Variants in DEPDC7 observed in about 807,000 individuals in gnomAD.
DEPDC7 encodes the protein DEP domain containing 7, also known as DEP domain-containing protein 7.
Under a neutral mutation model 56.6 loss-of-function variants are expected in DEPDC7, and 41 were observed. The observed-to-expected ratio is 0.72, with a 90% CI of 0.56 to 0.94. The LOEUF (loss-of-function observed/expected upper bound fraction) is 0.94, where lower values mean the gene tolerates loss of function less well. DEPDC7 is among the 40% of genes least tolerant of loss of function. The pLI, the probability that DEPDC7 is intolerant of heterozygous loss-of-function variation, is 0.00. For synonymous variants in DEPDC7, 185 were observed against 208.8 expected, an observed-to-expected ratio of 0.89 and a Z score of 0.98; for missense variants, 522 against 596.3, an observed-to-expected ratio of 0.88 and a Z score of 1.30.
intron 5 of DEPDC7, 118 bp downstream of exon 5, chr11:33,031,707 C>A (rs1564966272): frequency 2.5e-6 from 2 of 792,430 alleles, no homozygotes; most frequent in Non-Finnish European, 4.0e-6. Flanking sequence ...TGGATTAATT[C>A]ATGGAAAGTA....
chr11:33,023,939 C>T (rs966712300), intron 1 of DEPDC7, among the ~76,000 whole-genome samples: 2 of 152,178 alleles, frequency 1.3e-5, no homozygotes, highest in African/African-American at 4.8e-5. Flanking sequence ...GTAATAACTT[C>T]ACCTTCTCTG....
chr11:33,031,407 A>G lies in DEPDC7; in HGVS notation c.812A>G (p.Asp271Gly). The G allele has an allele frequency of 6.2e-7, 1 of 1,614,138 alleles. No homozygotes were observed. Among genetic ancestry groups the G allele is most frequent in the Non-Finnish European group, 8.5e-7 (1 of 1,180,012 alleles). The part of the protein sequence containing the change: ...QEDEWLSAAI[D>G]CLEYLPDQMV... ...GATGAGTGGCTCTCGGCAGCAATTG[A>G]CTGTTTAGAATACCTTCCAGACCAA... is the stretch of plus-strand genomic sequence containing the variant. Residue 271 changes from aspartate (D) to glycine (G), a missense_variant, in exon 5 of 9, where the codon GAC becomes GGC. By Grantham distance (94) the Asp-to-Gly change is moderately conservative. Coordinates refer to ENST00000241051, the MANE Select transcript of DEPDC7 (RefSeq NM_001077242.2).
At position 33,024,802 on chromosome 11, in the gene DEPDC7, C is replaced by CTGTGTGTGTGTG. The variant is rs35371602; in HGVS notation, c.74-831_74-820dup. ...AAATGTTGTTTTGTGATGCATGACT[C>CTGTGTGTGTGTG]TGTGTGTGTGTGTGTGTGTGTGTGT... On this transcript the variant is annotated intron_variant, in intron 1 of 8. Transcript: ENST00000241051. 1.0e-3 allele frequency among the ~76,000 whole-genome samples: 147 copies of CTGTGTGTGTGTG among 146,502 alleles called. 2 individuals are homozygous for CTGTGTGTGTGTG. Among genetic ancestry groups the CTGTGTGTGTGTG allele is most frequent in the Admixed American group, 3.4e-3 (49 of 14,586 alleles).
intron 2 of DEPDC7, chr11:33,026,539 A>T: frequency 1.0e-5 from 2 of 196,700 alleles, no homozygotes; most frequent in African/African-American, 2.3e-5. Flanking sequence ...TGCAGTGGTG[A>T]CACAGAGGTA....
At chr11:33,028,943 T>A (rs1353096598) in intron 4 of DEPDC7, 151 bp downstream of exon 4, 1 of 510,762 alleles carries the variant, frequency 2.0e-6, no homozygotes, top group East Asian at 3.4e-5. Context: ...AGAACAAAAT[T>A]ACATTAGTCA....
rs958451519 is a variant in DEPDC7 at position 33,016,349 on chromosome 11, G to C, written c.73+321G>C. The C allele has an allele frequency of 7.1e-6, 10 of 1,414,552 alleles. No individual in the cohort carries two copies. In the Admixed American group the frequency reaches 1.9e-4, roughly 27 times the overall value. The allele number at this position is 1,414,552 out of a possible 1,614,324, so 87.6% of individuals were successfully genotyped here. A position where few individuals can be genotyped will look rare whatever the true frequency, so the allele number is the denominator to read the frequency against. On this transcript the variant is annotated intron_variant, in intron 1 of 8. Coordinates refer to ENST00000241051, the MANE Select transcript of DEPDC7 (RefSeq NM_001077242.2). ...GCCAGGCACGCGCCGGGGAGCTCCG[G>C]GATATGCTCCGCGGTGCTACCGGTG... is the stretch of plus-strand genomic sequence containing the variant.
At chr11:33,030,611 T>G (rs755187575) in intron 4 of DEPDC7, among the ~76,000 whole-genome samples, 2 of 151,876 alleles carry the variant, frequency 1.3e-5, no homozygotes, top group Non-Finnish European at 2.9e-5. Context: ...TGAGATGAGG[T>G]CTCGCTCTGT....
In DEPDC7 at chr11:33,033,291, C is replaced by T. The variant is rs202020074; in HGVS notation, c.1372C>T (p.Arg458Cys). The T allele has an allele frequency of 6.9e-5, 111 of 1,598,194 alleles. No individual in the cohort carries two copies. Among genetic ancestry groups the T allele is most frequent in the Non-Finnish European group, 8.8e-5 (104 of 1,175,678 alleles). ...GYIYCQRIDQ[R>C]DYSNNTEKTT... ...TATTTATTGCCAGAGAATTGATCAACGTGACTATTCCAACAATACAGAGAA... is the reference window on the plus strand; with the variant it reads ...TATTTATTGCCAGAGAATTGATCAATGTGACTATTCCAACAATACAGAGAA... The change falls in exon 9 of 9, where the codon CGT (arginine) becomes TGT (cysteine). Residue 458 changes from arginine to cysteine, a missense_variant. Physicochemically the swap from Arg to Cys is radical, Grantham distance 180. Transcript: ENST00000241051.
intron 4 of DEPDC7, among the ~76,000 whole-genome samples, chr11:33,030,109 G>A (rs951639380): frequency 2.0e-5 from 3 of 152,044 alleles, no homozygotes; most frequent in Admixed American, 6.6e-5. Context: ...ACAGGCGCAC[G>A]CCACCATGCC....
chr11:33,017,429 G>A (rs1853475702), intron 1 of DEPDC7, among the ~76,000 whole-genome samples: 1 of 152,134 alleles, frequency 6.6e-6, no homozygotes, highest in Admixed American at 6.5e-5. Flanking sequence ...GTTCTTAGAT[G>A]GTGTAAGGAA....
chr11:33,027,963 C>A, intron 3 of DEPDC7, 150 bp downstream of exon 3: 1 of 718,600 alleles, frequency 1.4e-6, no homozygotes, highest in Non-Finnish European at 2.0e-6. Flanking sequence ...TCAATTTTAA[C>A]AGAAGTCTAT....
rs1331284027 is a variant in DEPDC7, at chr11:33,025,834, G to C, written c.249G>C (p.Lys83Asn). The change falls in exon 2 of 9, where the codon AAG becomes AAC. Residue 83 changes from lysine to asparagine, a missense_variant. By Grantham distance (94) the Lys-to-Asn change is moderately conservative. Coordinates refer to ENST00000241051, the MANE Select transcript of DEPDC7 (RefSeq NM_001077242.2). Reference protein sequence around the residue: ...DVIFSHLIQNKYFGDVDIPRA... With the variant: ...DVIFSHLIQNNYFGDVDIPRA... ...TTTTTTCTCACCTAATTCAGAATAA[G>C]TATTTTGGTGATGTAGATATTCCTC... 1.2e-6 allele frequency: 2 copies of C among 1,614,082 alleles called. No homozygotes were observed. The highest frequency in any genetic ancestry group is 1.7e-6 in the Non-Finnish European group (2 of 1,180,044).
chr11:33,024,343 C>T (rs769907126), intron 1 of DEPDC7, among the ~76,000 whole-genome samples: 4 of 152,122 alleles, frequency 2.6e-5, no homozygotes. Context: ...TACTTTACCG[C>T]GCATACAAAG....
At chr11:33,022,567 TTAA>T (rs1853533959) in intron 1 of DEPDC7, among the ~76,000 whole-genome samples, 1 of 152,200 alleles carries the variant, frequency 6.6e-6, no homozygotes, top group African/African-American at 2.4e-5. Context: ...ATGTTAGCTA[TTAA>T]TAATAAAGAT....
Position 33,015,924 on chromosome 11 carries a change from C to G in DEPDC7, c.-32C>G. 1 of 1,551,994 alleles carries G rather than the reference C, an allele frequency of 6.4e-7. No individual in the cohort carries two copies. Among genetic ancestry groups the G allele is most frequent in the East Asian group, 2.5e-5 (1 of 40,398 alleles). ...AGGGAGCTAGGGAGCTGTGAAGCTG[C>G]TGGAGGAGTTGGCGTCCGGGGAGCA... On this transcript the variant is annotated 5_prime_UTR_variant, in exon 1 of 9. Coordinates refer to ENST00000241051, the MANE Select transcript of DEPDC7 (RefSeq NM_001077242.2).
In DEPDC7 at chr11:33,033,359, T is replaced by A. The variant is rs1401593612; in HGVS notation, c.1440T>A (p.Asp480Glu). 6.2e-7 allele frequency: 1 copy of A among 1,611,748 alleles called. No individual in the cohort carries two copies. Among genetic ancestry groups the A allele is most frequent in the African/African-American group, 1.3e-5 (1 of 74,836 alleles). Residue 480 changes from aspartate to glutamate, a missense_variant, in exon 9 of 9, where the codon GAT (aspartate) becomes GAA (glutamate). Physicochemically the swap from Asp to Glu is conservative, Grantham distance 45. Coordinates refer to ENST00000241051, the MANE Select transcript of DEPDC7 (RefSeq NM_001077242.2). ...DELLNLLKTL[D>E]EDSKLSAKEK... ...TGTTGAATTTACTAAAAACTCTTGA[T>A]GAGGATTCAAAACTTTCTGCCAAAG...
chr11:33,016,464 C>T (rs938016559), intron 1 of DEPDC7: 54 of 1,599,902 alleles, frequency 3.4e-5, no homozygotes, highest in Non-Finnish European at 4.5e-5. Flanking sequence ...GGCCGAGCTC[C>T]TCCCTTGCCC....
chr11:33,026,546 G>A (rs983286557), intron 2 of DEPDC7: 4 of 189,822 alleles, frequency 2.1e-5, no homozygotes, highest in African/African-American at 7.0e-5. Flanking sequence ...GTGACACAGA[G>A]GTATAATTGA....
intron 4 of DEPDC7, among the ~76,000 whole-genome samples, chr11:33,029,246 C>A (rs1052205556): frequency 1.3e-5 from 2 of 151,566 alleles, no homozygotes; most frequent in African/African-American, 4.9e-5. Context: ...GCCTGTAATC[C>A]TAGCACTTTG....
Sources: allele counts gnomAD v4.1 joint callset (sites outside exome capture counted in the v4.1 genomes callset), GRCh38; gene constraint gnomAD v4.1.1; transcripts MANE v1.5; gene names NCBI Gene and HGNC (gene_info 2026-07-23, HGNC 2026-07-21).